The following CMPK1 variants were observed in gnomAD, a reference collection of about 807,000 sequenced individuals.
CMPK1 encodes UMP-CMP kinase.
Under a neutral mutation model 25.7 loss-of-function variants are expected in CMPK1, and 10 were observed. That is an observed-to-expected ratio of 0.39 (90% CI 0.24 to 0.66). The LOEUF is 0.66. Among genes scored for constraint, CMPK1 ranks in the 30% least tolerant of loss-of-function variants. The pLI is 0.48. For synonymous variants in CMPK1, 106 were observed against 101.5 expected, an observed-to-expected ratio of 1.04 and a Z score of -0.27; for missense variants, 199 against 280.5, an observed-to-expected ratio of 0.71 and a Z score of 2.08.
intron 1 of CMPK1, among the ~76,000 whole-genome samples, chr1:47,352,515 AG>A (rs1290699145): frequency 8.4e-6 from 1 of 118,500 alleles, no homozygotes; most frequent in East Asian, 2.7e-4. Flanking sequence ...ATGGAAAGGA[AG>A]GTGGGGAGGG....
chr1:47,374,806 G>C (rs1646696882), intron 3 of CMPK1, 103 bp from the exon 4 acceptor site: 1 of 731,526 alleles, frequency 1.4e-6, no homozygotes, highest in South Asian at 1.9e-5. Context: ...TGGGTTTATT[G>C]CAGGGTTTTT....
chr1:47,373,328 C>T (rs1646688897), intron 3 of CMPK1: 1 of 345,528 alleles, frequency 2.9e-6, no homozygotes, highest in South Asian at 1.2e-4. Flanking sequence ...TTCAAAATAA[C>T]AAGAATCAGT....
At chr1:47,372,510 G>A (rs1363684406) in intron 2 of CMPK1, among the ~76,000 whole-genome samples, 1 of 152,214 alleles carries the variant, frequency 6.6e-6, no homozygotes, top group South Asian at 2.1e-4. Flanking sequence ...ATAGCAAAAC[G>A]ACTTGGGAAG....
chr1:47,374,017 A>G (rs1343609075), intron 3 of CMPK1, among the ~76,000 whole-genome samples: 5 of 152,172 alleles, frequency 3.3e-5, no homozygotes, highest in Non-Finnish European at 7.3e-5. Flanking sequence ...GTTGAATTGT[A>G]AATGTGCCCC....
intron 1 of CMPK1, among the ~76,000 whole-genome samples, chr1:47,344,959 C>T (rs1422134485): frequency 6.6e-6 from 1 of 152,038 alleles, no homozygotes; most frequent in African/African-American, 2.4e-5. Flanking sequence ...CTCTGTTGCT[C>T]AGGCTGGAGT....
intron 1 of CMPK1, among the ~76,000 whole-genome samples, chr1:47,355,523 C>T (rs1646554069): frequency 6.6e-6 from 1 of 151,832 alleles, no homozygotes; most frequent in South Asian, 2.1e-4. Flanking sequence ...GCATATCGGC[C>T]AGGCTGGTCT....
intron 4 of CMPK1, 86 bp from the exon 5 acceptor site, chr1:47,375,111 C>A: frequency 8.0e-7 from 1 of 1,257,180 alleles, no homozygotes; most frequent in Non-Finnish European, 1.2e-6. Context: ...TCAGTCGGGG[C>A]AGATCCAGTG....
chr1:47,375,344 T>G (rs374056030), intron 5 of CMPK1, 51 bp downstream of exon 5: 12 of 1,254,762 alleles, frequency 9.6e-6, no homozygotes, highest in Non-Finnish European at 1.2e-5. Context: ...AAAAATGTGA[T>G]TATTTGTTTT....
At chr1:47,344,067 T>TAAAA (rs34326568) in intron 1 of CMPK1, among the ~76,000 whole-genome samples, 1 of 141,438 alleles carries the variant, frequency 7.1e-6, no homozygotes. Flanking sequence ...GACCATGTCT[T>TAAAA]AAAAAAAAAA....
At chr1:47,343,846 C>T (rs1400937654) in intron 1 of CMPK1, among the ~76,000 whole-genome samples, 1 of 151,228 alleles carries the variant, frequency 6.6e-6, no homozygotes, top group African/African-American at 2.4e-5. Context: ...GAGATCGCGC[C>T]ACTGCACTCC....
At chr1:47,346,515 C>CT (rs1176111493) in intron 1 of CMPK1, among the ~76,000 whole-genome samples, 1 of 141,248 alleles carries the variant, frequency 7.1e-6, no homozygotes, top group African/African-American at 2.7e-5. Context: ...TTTTTTTTTT[C>CT]TTTTTTGAGT....
chr1:47,358,272 C>T (rs1646577249), intron 1 of CMPK1: 3 of 493,458 alleles, frequency 6.1e-6, no homozygotes, highest in Admixed American at 4.7e-5. Context: ...GTCACCATGA[C>T]AGGCTAATTT....
chr1:47,356,223 C>T (rs1183833839), intron 1 of CMPK1, among the ~76,000 whole-genome samples: 1 of 151,836 alleles, frequency 6.6e-6, no homozygotes, highest in East Asian at 1.9e-4. Flanking sequence ...TTATTTTTTC[C>T]CAGATGGATA....
intron 1 of CMPK1, among the ~76,000 whole-genome samples, chr1:47,337,615 ATTT>A (rs34419291): frequency 6.4e-5 from 9 of 141,616 alleles, no homozygotes; most frequent in Non-Finnish European, 7.7e-5. Context: ...TGGAATATCT[ATTT>A]TTTTTTTTTT....
intron 1 of CMPK1, among the ~76,000 whole-genome samples, chr1:47,337,615 ATT>A (rs34419291): frequency 6.4e-4 from 91 of 141,614 alleles, no homozygotes; most frequent in Admixed American, 7.1e-4. Context: ...TGGAATATCT[ATT>A]TTTTTTTTTT....
intron 5 of CMPK1, 134 bp from the exon 6 acceptor site, chr1:47,376,570 C>T (rs755154069): frequency 2.0e-6 from 1 of 488,766 alleles, no homozygotes; most frequent in Non-Finnish European, 3.8e-6. Context: ...CCCGCCTCGA[C>T]CTCCCAAAGT....
chr1:47,347,495 T>C (rs1646493806), intron 1 of CMPK1, among the ~76,000 whole-genome samples: 1 of 152,220 alleles, frequency 6.6e-6, no homozygotes, highest in Admixed American at 6.5e-5. Context: ...GGGCATGAGC[T>C]GCTGTGCCTG....
intron 2 of CMPK1, among the ~76,000 whole-genome samples, 181 bp downstream of exon 2, chr1:47,368,796 C>CA (rs1327705457): frequency 2.0e-5 from 3 of 152,062 alleles, no homozygotes; most frequent in Non-Finnish European, 4.4e-5. Flanking sequence ...CCCATCTCTA[C>CA]AAAAAAATTT....
intron 1 of CMPK1, among the ~76,000 whole-genome samples, chr1:47,347,283 C>T (rs1337076768): frequency 1.3e-5 from 2 of 151,950 alleles, no homozygotes; most frequent in East Asian, 3.9e-4. Context: ...AATCATAGCT[C>T]ATTGCAGCCT....
Sources: allele counts gnomAD v4.1 joint callset (sites outside exome capture counted in the v4.1 genomes callset), GRCh38; gene constraint gnomAD v4.1.1; transcripts MANE v1.5; gene names NCBI Gene and HGNC (gene_info 2026-07-23, HGNC 2026-07-21).